SEPTIN9: variants seen among roughly 807,000 people sequenced by gnomAD.
SEPTIN9 encodes the protein septin 9.
Under a neutral mutation model 56.6 loss-of-function variants are expected in SEPTIN9, and 13 were observed. That is an observed-to-expected ratio of 0.23 (90% CI 0.15 to 0.37). The LOEUF (loss-of-function observed/expected upper bound fraction) is 0.37. Ranked by LOEUF, SEPTIN9 falls within the 10% of genes least tolerant of loss-of-function variation. SEPTIN9 has a pLI of 1.00. For missense variants in SEPTIN9, 650 were observed against 823.1 expected (o/e 0.79, Z 2.57); for synonymous variants, 332 against 334.1 (o/e 0.99, Z 0.07).
At chr17:77,416,934 C>A (rs2036528227) in intron 3 of SEPTIN9, among the ~76,000 whole-genome samples, 1 of 152,234 alleles carries the variant, frequency 6.6e-6, no homozygotes, top group Admixed American at 6.5e-5. Context: ...GGCTGTCTGG[C>A]CATTTGGCAT....
In SEPTIN9 at chr17:77,435,914, C is replaced by T. The variant is rs556167989; in HGVS notation, c.721+33211C>T. Among the ~76,000 whole-genome samples, 49 of 152,366 alleles carry T rather than the reference C, an allele frequency of 3.2e-4. No homozygotes were observed. The South Asian group carries it at 0.01, about 32-fold the overall frequency. ...CACGGACTTCTTAGGGGCTTCCATT[C>T]CTCCACCTGGAAAAACCTTACACCG... On this transcript the variant is annotated intron_variant, in intron 3 of 11. Transcript: ENST00000427177. This position sits in a 1 kb window ranked among gnomAD's most constrained non-coding sequence, Gnocchi z 4.5.
At chr17:77,380,361 T>C in intron 2 of SEPTIN9, 1 of 131,500 alleles carries the variant, frequency 7.6e-6, no homozygotes. Flanking sequence ...GCTCAGACTC[T>C]ACTGGGCTTC....
At chr17:77,463,080 CCT>C (rs1177254386) in intron 3 of SEPTIN9, among the ~76,000 whole-genome samples, 1 of 152,154 alleles carries the variant, frequency 6.6e-6, no homozygotes. Flanking sequence ...CCTCTCAGAT[CCT>C]CTGTCTCTGG....
chr17:77,367,739 C>A lies in SEPTIN9; in HGVS notation c.77-34320C>A, dbSNP rs2143883711. Among the ~76,000 whole-genome samples the A allele has an allele frequency of 1.3e-5, 2 of 152,238 alleles. No homozygotes were observed. Among genetic ancestry groups the A allele is most frequent in the African/African-American group, 4.8e-5 (2 of 41,532 alleles). Reference sequence around the variant, plus strand: ...GCTGAGGCAGGAGAATTGCTCCGATCTGGGAGGCGGAGGTTGCAGTGAGCC... The same window carrying A: ...GCTGAGGCAGGAGAATTGCTCCGATATGGGAGGCGGAGGTTGCAGTGAGCC... On this transcript the variant is annotated intron_variant, in intron 2 of 11. Transcript: ENST00000427177. The surrounding 1 kb of genome is among the most constrained non-coding windows in gnomAD (Gnocchi z 4.5).
rs984655326 is a variant in SEPTIN9 at position 77,436,865 on chromosome 17, G to A, written c.721+34162G>A. On this transcript the variant is annotated intron_variant, in intron 3 of 11. Coordinates refer to ENST00000427177, the MANE Select transcript of SEPTIN9 (RefSeq NM_001113491.2). The surrounding 1 kb of genome is among the most constrained non-coding windows in gnomAD (Gnocchi z 4.4). ...TTGGGGCACAGCATAAAGAACAGCC[G>A]TAAGTGTTTCTCAGGCAGGAGGGTG... Among the ~76,000 whole-genome samples, 9 of 152,250 alleles carry A rather than the reference G, an allele frequency of 5.9e-5. No homozygotes were observed. Among genetic ancestry groups the A allele is most frequent in the Non-Finnish European group, 8.8e-5 (6 of 68,038 alleles).
At chr17:77,484,714 GGT>G in intron 4 of SEPTIN9, among the ~76,000 whole-genome samples, 1 of 106,462 alleles carries the variant, frequency 9.4e-6, no homozygotes. Context: ...TGGTGATGTG[GGT>G]GGTGGTGGTG....
chr17:77,500,226 C>CA lies in SEPTIN9; in HGVS notation c.*1570dup, dbSNP rs530609750. On this transcript the variant is annotated 3_prime_UTR_variant, in exon 12 of 12. Coordinates refer to ENST00000427177, the MANE Select transcript of SEPTIN9 (RefSeq NM_001113491.2). The stretch of plus-strand genomic sequence containing the variant: ...CTGGGCGTCTGACTCCCTCCCCACC[C>CA]AAGAGAGGAAGGACCCCTCACCACC... The CA allele has an allele frequency of 3.7e-4, 85 of 232,334 alleles. 1 individual carries two copies. In the East Asian group the frequency reaches 5.0e-3, roughly 14 times the overall value. The allele number at this position is 232,334 out of a possible 1,614,324, so 14.4% of individuals were successfully genotyped here.
At chr17:77,384,321 C>T (rs8081217) in intron 2 of SEPTIN9, among the ~76,000 whole-genome samples, 2,406 of 152,248 alleles carry the variant, frequency 0.016, 65 homozygotes, top group African/African-American at 0.056. Flanking sequence ...CTCAGCAGTG[C>T]CCAGCACACG....
chr17:77,443,347 T>C (rs1170896161), intron 3 of SEPTIN9, among the ~76,000 whole-genome samples: 1 of 152,132 alleles, frequency 6.6e-6, no homozygotes, highest in African/African-American at 2.4e-5. Context: ...AAAGTGGTCA[T>C]CACACGGGAA....
intron 1 of SEPTIN9, among the ~76,000 whole-genome samples, chr17:77,290,620 G>T (rs1420107344): frequency 1.3e-5 from 2 of 151,264 alleles, no homozygotes; most frequent in African/African-American, 2.4e-5. Context: ...AAGGTCAGAA[G>T]ATCGAGACCA....
chr17:77,458,979 A>G (rs1292249134), intron 3 of SEPTIN9, among the ~76,000 whole-genome samples: 1 of 152,194 alleles, frequency 6.6e-6, no homozygotes, highest in Non-Finnish European at 1.5e-5. Flanking sequence ...TGGAGCCTGG[A>G]AAGGTGGGCG....
At chr17:77,414,603 G>T (rs1230906855) in intron 3 of SEPTIN9, among the ~76,000 whole-genome samples, 1 of 137,574 alleles carries the variant, frequency 7.3e-6, no homozygotes, top group South Asian at 2.3e-4. Flanking sequence ...TTTGAGATAG[G>T]GTCTCACTCT....
chr17:77,281,866 G>A, intron 1 of SEPTIN9: 2 of 417,148 alleles, frequency 4.8e-6, no homozygotes, highest in South Asian at 7.2e-5. Flanking sequence ...GGTGCTTTGG[G>A]TCCCTGTGCG....
At chr17:77,464,601 A>ATT (rs1022730489) in intron 3 of SEPTIN9, among the ~76,000 whole-genome samples, 7 of 139,938 alleles carry the variant, frequency 5.0e-5, no homozygotes, top group Non-Finnish European at 7.9e-5. Flanking sequence ...TGACACAGAA[A>ATT]TTTTTTTTTT....
intron 2 of SEPTIN9, among the ~76,000 whole-genome samples, chr17:77,321,505 T>G (rs1178236807): frequency 6.6e-6 from 1 of 151,912 alleles, no homozygotes; most frequent in Non-Finnish European, 1.5e-5. Flanking sequence ...GTTCATGCCA[T>G]TCTCCTGCCT....
intron 1 of SEPTIN9, among the ~76,000 whole-genome samples, chr17:77,282,784 C>T (rs904531304): frequency 6.6e-6 from 1 of 152,236 alleles, no homozygotes; most frequent in Non-Finnish European, 1.5e-5. Flanking sequence ...CGGGAGCGGG[C>T]TTCCAGGTGG....
intron 3 of SEPTIN9, chr17:77,466,398 C>T (rs1019160490): frequency 1.7e-5 from 17 of 985,330 alleles, no homozygotes; most frequent in Non-Finnish European, 1.7e-5. Context: ...TCCCGGAGTT[C>T]GGGCTGGAAG....
At position 77,487,363 on chromosome 17, in the gene SEPTIN9, T is replaced by C; in HGVS notation, c.914-61T>C. 2.6e-6 allele frequency: 4 copies of C among 1,548,950 alleles called. No homozygotes were observed. Among genetic ancestry groups the C allele is most frequent in the Non-Finnish European group, 2.6e-6 (3 of 1,145,056 alleles). On this transcript the variant is annotated intron_variant, in intron 4 of 11. Coordinates refer to ENST00000427177, the MANE Select transcript of SEPTIN9 (RefSeq NM_001113491.2). This position sits in a 1 kb window ranked among gnomAD's most constrained non-coding sequence, Gnocchi z 4.3. Reference sequence around the variant, plus strand: ...TCGTGCCTGGGTGGGAGGGGCCCCATGTGCAGACCCTGCTGGTCTCTCCGG... The same window carrying C: ...TCGTGCCTGGGTGGGAGGGGCCCCACGTGCAGACCCTGCTGGTCTCTCCGG...
chr17:77,311,754 G>A (rs1298932053), intron 2 of SEPTIN9, among the ~76,000 whole-genome samples: 1 of 152,176 alleles, frequency 6.6e-6, no homozygotes, highest in Non-Finnish European at 1.5e-5. Flanking sequence ...GCTGCTCAAA[G>A]TGTGTCGGAC....
Sources: gnomAD v4.1 joint callset for allele counts (sites outside exome capture counted in the v4.1 genomes callset) on GRCh38, gnomAD v4.1.1 for gene constraint, Gnocchi (gnomAD v3.1) non-coding constraint, MANE v1.5 for transcripts, NCBI Gene and HGNC (gene_info 2026-07-23, HGNC 2026-07-21) for gene names.